The following SPHKAP variants were observed in gnomAD, a reference collection of about 807,000 sequenced individuals.
The protein encoded by SPHKAP is SPHK1 interactor, AKAP domain containing, also known as A-kinase anchor protein SPHKAP.
SPHKAP carries 67 observed loss-of-function variants against 137.5 expected under a neutral mutation model. The ratio of observed to expected loss-of-function variants is 0.49; its 90% CI spans 0.40 to 0.60. The LOEUF is 0.60. Among genes scored for constraint, SPHKAP ranks in the 20% least tolerant of loss-of-function variants. The probability of loss-of-function intolerance (pLI) is 0.00; values close to 1 mark genes in which losing one functional copy is unlikely to be tolerated. For missense variants in SPHKAP, 2,097 were observed against 2,069.3 expected (o/e 1.01, Z -0.26); for synonymous variants, 813 against 785.3 (o/e 1.04, Z -0.59).
chr2:228,155,999 T>C (rs1700097044), intron 1 of SPHKAP, among the ~76,000 whole-genome samples: 1 of 152,204 alleles, frequency 6.6e-6, no homozygotes, highest in Non-Finnish European at 1.5e-5. Context: ...TGGAACTGAA[T>C]GTGTCCTATA....
At chr2:228,157,391 C>T (rs1293151389) in intron 1 of SPHKAP, among the ~76,000 whole-genome samples, 3 of 152,098 alleles carry the variant, frequency 2.0e-5, no homozygotes, top group African/African-American at 4.8e-5. Flanking sequence ...TTACATGTTT[C>T]CAGAGAGCTG....
At chr2:228,095,696 G>A (rs978766876) in intron 3 of SPHKAP, among the ~76,000 whole-genome samples, 8 of 152,004 alleles carry the variant, frequency 5.3e-5, no homozygotes, top group African/African-American at 9.7e-5. Flanking sequence ...AGTTTGACAG[G>A]GAGTGAAGGT....
chr2:228,105,884 G>A (rs957087513), intron 3 of SPHKAP, among the ~76,000 whole-genome samples: 5 of 152,000 alleles, frequency 3.3e-5, no homozygotes, highest in African/African-American at 9.7e-5. Flanking sequence ...ACCAAGTCTC[G>A]GGTATTTCTT....
intron 3 of SPHKAP, among the ~76,000 whole-genome samples, chr2:228,063,450 T>C (rs911888205): frequency 1.3e-5 from 2 of 152,194 alleles, no homozygotes; most frequent in Admixed American, 6.5e-5. Flanking sequence ...TGGTTGGTGT[T>C]AAAGTCTGAT....
intron 1 of SPHKAP, among the ~76,000 whole-genome samples, chr2:228,144,299 G>C (rs1232003769): frequency 6.6e-6 from 1 of 151,980 alleles, no homozygotes; most frequent in Non-Finnish European, 1.5e-5. Context: ...GCCTCTCCTT[G>C]TGTGCTCCCA....
At chr2:228,158,890 C>T (rs1378690899) in intron 1 of SPHKAP, among the ~76,000 whole-genome samples, 2 of 152,168 alleles carry the variant, frequency 1.3e-5, no homozygotes, top group Non-Finnish European at 2.9e-5. Context: ...ATCTCTTTTC[C>T]CTCACCCCAA....
intron 11 of SPHKAP, chr2:227,982,069 T>C (rs1023223384): frequency 3.4e-5 from 31 of 922,980 alleles, no homozygotes; most frequent in South Asian, 4.9e-5. Context: ...TTTTTTTTTT[T>C]CACAGCAGTT....
chr2:227,994,288 T>C (rs1693540587), intron 8 of SPHKAP, among the ~76,000 whole-genome samples: 2 of 152,158 alleles, frequency 1.3e-5, no homozygotes, highest in African/African-American at 2.4e-5. Context: ...ACAGATTGCA[T>C]CATGTTCATA....
intron 3 of SPHKAP, among the ~76,000 whole-genome samples, chr2:228,106,412 G>T (rs1229397854): frequency 6.6e-6 from 1 of 152,058 alleles, no homozygotes. Flanking sequence ...TTATGAACTG[G>T]TTACAAAGCA....
rs756952490 is a variant in SPHKAP at position 228,016,395 on chromosome 2, G to A, written c.4448+11C>T. The A allele has an allele frequency of 5.7e-6, 9 of 1,566,638 alleles. No individual in the cohort carries two copies. The highest frequency in any genetic ancestry group is 5.5e-5 in the African/African-American group (4 of 72,742). ...ACATGCACCCTATGTAGTCTGAGAC[G>A]ATTCACTCACCTATGGATTTGACAA... On this transcript the variant is annotated intron_variant, in intron 7 of 11. Transcript: ENST00000392056.
intron 3 of SPHKAP, among the ~76,000 whole-genome samples, chr2:228,093,603 T>C (rs1697879738): frequency 6.6e-6 from 1 of 151,868 alleles, no homozygotes; most frequent in Non-Finnish European, 1.5e-5. Flanking sequence ...CTCATACCTG[T>C]AATCACAGCA....
intron 3 of SPHKAP, among the ~76,000 whole-genome samples, chr2:228,049,087 G>C (rs1165932443): frequency 6.6e-6 from 1 of 152,046 alleles, no homozygotes; most frequent in Non-Finnish European, 1.5e-5. Flanking sequence ...CCACTAGGAG[G>C]CTCCATATCC....
At chr2:228,142,899 A>G (rs967156082) in intron 1 of SPHKAP, among the ~76,000 whole-genome samples, 2 of 152,186 alleles carry the variant, frequency 1.3e-5, no homozygotes, top group Non-Finnish European at 2.9e-5. Context: ...CTGGGAGTAC[A>G]CATTCATATG....
chr2:228,063,997 T>G (rs1696745997), intron 3 of SPHKAP, among the ~76,000 whole-genome samples: 1 of 152,222 alleles, frequency 6.6e-6, no homozygotes, highest in Admixed American at 6.5e-5. Flanking sequence ...ACAGCATCAC[T>G]CTGGTCAATG....
At chr2:228,062,657 C>A (rs1434276215) in intron 3 of SPHKAP, among the ~76,000 whole-genome samples, 2 of 151,654 alleles carry the variant, frequency 1.3e-5, no homozygotes, top group African/African-American at 4.8e-5. Flanking sequence ...TGGTAGAGAG[C>A]TTTTTTTATT....
At chr2:228,092,322 CGTACACACACACGTGTATGTGT>C (rs1697797494) in intron 3 of SPHKAP, among the ~76,000 whole-genome samples, 1 of 99,930 alleles carries the variant, frequency 1.0e-5, no homozygotes, top group African/African-American at 3.6e-5. Context: ...TGTGTGTATA[CGTACACACACACGTGTATGTGT>C]GTGTATACAT....
intron 9 of SPHKAP, among the ~76,000 whole-genome samples, chr2:227,992,683 G>A (rs1405964150): frequency 1.3e-5 from 2 of 152,174 alleles, no homozygotes; most frequent in Admixed American, 6.5e-5. Flanking sequence ...AATAATGGCT[G>A]TGTGGAGCCA....
At chr2:228,073,114 T>C (rs1697054972) in intron 3 of SPHKAP, among the ~76,000 whole-genome samples, 1 of 152,212 alleles carries the variant, frequency 6.6e-6, no homozygotes, top group African/African-American at 2.4e-5. Context: ...GTCAAAGCAG[T>C]TTATTTTACA....
intron 3 of SPHKAP, among the ~76,000 whole-genome samples, chr2:228,099,360 C>T (rs1267651643): frequency 6.6e-6 from 1 of 152,084 alleles, no homozygotes; most frequent in African/African-American, 2.4e-5. Flanking sequence ...TTTCTGGGTT[C>T]TCTATTCTGT....
Sources: gnomAD v4.1 joint callset for allele counts (sites outside exome capture counted in the v4.1 genomes callset) on GRCh38, gnomAD v4.1.1 for gene constraint, MANE v1.5 for transcripts, NCBI Gene and HGNC (gene_info 2026-07-23, HGNC 2026-07-21) for gene names.